The following TULP4 variants were observed in gnomAD, a reference collection of about 807,000 sequenced individuals.
The protein encoded by TULP4 is TUB like protein 4, also known as tubby-related protein 4.
A neutral mutation model predicts 129.0 loss-of-function variants in TULP4; 16 were observed. That is an observed-to-expected ratio of 0.12 (90% confidence interval 0.08 to 0.19). The LOEUF (loss-of-function observed/expected upper bound fraction) is 0.19. Ranked by LOEUF, TULP4 falls within the 10% of genes least tolerant of loss-of-function variation. The probability of loss-of-function intolerance (pLI) is 1.00; values close to 1 mark genes in which losing one functional copy is unlikely to be tolerated. For synonymous variants in TULP4, 998 were observed against 854.0 expected, an observed-to-expected ratio of 1.17 and a Z score of -2.94; for missense variants, 1,842 against 2,059.1, an observed-to-expected ratio of 0.89 and a Z score of 2.04.
intron 1 of TULP4, among the ~76,000 whole-genome samples, chr6:158,294,666 C>T (rs950741661): frequency 1.3e-5 from 2 of 152,126 alleles, no homozygotes; most frequent in Admixed American, 1.3e-4. Context: ...TCCTCCTCCT[C>T]CTCTACTTCC....
intron 6 of TULP4, among the ~76,000 whole-genome samples, chr6:158,476,407 A>C (rs1390347163): frequency 6.6e-6 from 1 of 152,154 alleles, no homozygotes; most frequent in East Asian, 1.9e-4. Context: ...TCTCCAGGCT[A>C]AATAATTTCA....
At chr6:158,300,971 G>A (rs1055136915) in intron 1 of TULP4, among the ~76,000 whole-genome samples, 2 of 152,146 alleles carry the variant, frequency 1.3e-5, no homozygotes, top group African/African-American at 2.4e-5. Flanking sequence ...GAGACCAGTC[G>A]ACCTTATCGT....
chr6:158,261,620 G>A (rs1337849679), intron 1 of TULP4, among the ~76,000 whole-genome samples: 1 of 152,152 alleles, frequency 6.6e-6, no homozygotes, highest in African/African-American at 2.4e-5. Flanking sequence ...ATAAAGGCGA[G>A]GGATATGAAT....
At chr6:158,451,619 G>A (rs1562571774) in intron 4 of TULP4, among the ~76,000 whole-genome samples, 2 of 152,306 alleles carry the variant, frequency 1.3e-5, no homozygotes, top group Middle Eastern at 3.4e-3. Flanking sequence ...GCCACATTTA[G>A]CCCAACCTTC....
At chr6:158,246,716 C>G (rs779975253) in intron 1 of TULP4, among the ~76,000 whole-genome samples, 4 of 151,890 alleles carry the variant, frequency 2.6e-5, no homozygotes, top group African/African-American at 9.7e-5. Flanking sequence ...AAATTTATGC[C>G]CTTTTTCCTT....
intron 1 of TULP4, among the ~76,000 whole-genome samples, chr6:158,240,628 G>A (rs1777868754): frequency 9.4e-6 from 1 of 106,440 alleles, no homozygotes; most frequent in Non-Finnish European, 2.2e-5. Context: ...TCCCAGACGG[G>A]GCGGCTGGCC....
chr6:158,260,824 CTTTTTT>C (rs1204254398), intron 1 of TULP4, among the ~76,000 whole-genome samples: 2 of 64,194 alleles, frequency 3.1e-5, no homozygotes, highest in East Asian at 6.8e-4. Flanking sequence ...CTTTTCTTTT[CTTTTTT>C]TTTTTTGAGA....
intron 6 of TULP4, among the ~76,000 whole-genome samples, chr6:158,468,876 C>T (rs1370841000): frequency 6.6e-6 from 1 of 152,168 alleles, no homozygotes; most frequent in African/African-American, 2.4e-5. Context: ...TCCCTTTAAT[C>T]TCTTTTATAA....
At chr6:158,281,359 G>A (rs1322040004), upstream of TULP4, among the ~76,000 whole-genome samples, 2 of 151,970 alleles carry the variant, frequency 1.3e-5, no homozygotes, top group Admixed American at 6.6e-5. Context: ...GATTACAGGC[G>A]CCTACCACCA....
At chr6:158,449,234 A>T in intron 4 of TULP4, 58 bp downstream of exon 4, 1 of 1,549,382 alleles carries the variant, frequency 6.5e-7, no homozygotes, top group Non-Finnish European at 8.7e-7. Context: ...AGGGCATCGG[A>T]GCAGAGTAGA....
chr6:158,503,498 C>CT lies in TULP4; in HGVS notation c.3836dup (p.Pro1283AlafsTer73). ...GCCCATGCAGAACCCCCAGGGCACT[C>CT]TCCCCCCAAAGCCACACTTGGTGGT... On this transcript the variant is annotated frameshift_variant, in exon 13 of 14. Transcript: ENST00000367097. LOFTEE classifies it high-confidence loss of function. This position sits in a 1 kb window ranked among gnomAD's most constrained non-coding sequence, Gnocchi z 4.3. The CT allele has an allele frequency of 6.2e-7, 1 of 1,613,970 alleles. No homozygotes were observed. Among genetic ancestry groups the CT allele is most frequent in the Non-Finnish European group, 8.5e-7 (1 of 1,180,000 alleles).
At chr6:158,425,655 G>C (rs973963267) in intron 2 of TULP4, among the ~76,000 whole-genome samples, 1 of 151,814 alleles carries the variant, frequency 6.6e-6, no homozygotes, top group Non-Finnish European at 1.5e-5. Flanking sequence ...TGTTGCCCAG[G>C]CTGGAGTGCA....
intron 1 of TULP4, among the ~76,000 whole-genome samples, chr6:158,243,711 GGATT>G (rs1284931829): frequency 3.3e-5 from 5 of 152,010 alleles, no homozygotes; most frequent in Non-Finnish European, 7.4e-5. Context: ...TGTGAGGGCA[GGATT>G]ATTTTCATCA....
intron 1 of TULP4, among the ~76,000 whole-genome samples, chr6:158,301,710 G>A (rs975380347): frequency 3.3e-5 from 5 of 152,166 alleles, no homozygotes; most frequent in African/African-American, 1.2e-4. Flanking sequence ...AAGCTGAAAA[G>A]GCTGAGACGG....
intron 1 of TULP4, among the ~76,000 whole-genome samples, chr6:158,374,835 A>C (rs1777150336): frequency 6.6e-6 from 1 of 152,234 alleles, no homozygotes; most frequent in Non-Finnish European, 1.5e-5. Context: ...TTTGAAATGT[A>C]ACATTTTTCC....
At chr6:158,327,891 G>A (rs1200115596) in intron 1 of TULP4, among the ~76,000 whole-genome samples, 1 of 152,154 alleles carries the variant, frequency 6.6e-6, no homozygotes, top group Non-Finnish European at 1.5e-5. Flanking sequence ...GTGTGTATAT[G>A]TAGGGGGTGT....
intron 1 of TULP4, among the ~76,000 whole-genome samples, chr6:158,340,079 G>C (rs960344983): frequency 6.6e-6 from 1 of 152,202 alleles, no homozygotes; most frequent in East Asian, 1.9e-4. Flanking sequence ...AGTTGATGTG[G>C]ATCTGCTCGT....
intron 3 of TULP4, among the ~76,000 whole-genome samples, chr6:158,441,786 C>T (rs1778904229): frequency 6.6e-6 from 1 of 152,142 alleles, no homozygotes; most frequent in African/African-American, 2.4e-5. Flanking sequence ...CACACACACC[C>T]TGGAGCAAAC....
chr6:158,257,429 A>G (rs1231330312), intron 1 of TULP4, among the ~76,000 whole-genome samples: 1 of 152,224 alleles, frequency 6.6e-6, no homozygotes, highest in African/African-American at 2.4e-5. Flanking sequence ...ATACATAACA[A>G]AATATATTAT....
Sources: allele counts gnomAD v4.1 joint callset (sites outside exome capture counted in the v4.1 genomes callset), GRCh38; gene constraint gnomAD v4.1.1; non-coding constraint Gnocchi (gnomAD v3.1); transcripts MANE v1.5; gene names NCBI Gene and HGNC (gene_info 2026-07-23, HGNC 2026-07-21).